The following LRBA variants were observed in gnomAD, a reference collection of about 807,000 sequenced individuals.
The protein encoded by LRBA is LPS responsive beige-like anchor protein.
In LRBA, 176 loss-of-function variants were observed where a neutral mutation model predicts 330.0. The observed-to-expected ratio is 0.53, with a 90% CI of 0.47 to 0.60. LRBA has a LOEUF of 0.60. Ranked by LOEUF, LRBA falls within the 20% of genes least tolerant of loss-of-function variation. LRBA has a pLI of 0.00. For missense variants in LRBA, 3,259 were observed against 3,444.8 expected, an observed-to-expected ratio of 0.95 and a Z score of 1.35; for synonymous variants, 1,230 against 1,193.0, an observed-to-expected ratio of 1.03 and a Z score of -0.64.
chr4:150,579,705 C>G, intron 40 of LRBA: 2 of 456,644 alleles, frequency 4.4e-6, no homozygotes, highest in Non-Finnish European at 4.4e-6. Flanking sequence ...GCGCGAAGGT[C>G]CGCTCGGCCT....
chr4:150,732,416 C>T (rs1201694985), intron 36 of LRBA, among the ~76,000 whole-genome samples: 1 of 151,950 alleles, frequency 6.6e-6, no homozygotes, highest in Non-Finnish European at 1.5e-5. Flanking sequence ...GTTAACAATA[C>T]AAAAGAACAG....
At chr4:150,518,653 C>T (rs187359561) in intron 40 of LRBA, among the ~76,000 whole-genome samples, 2 of 152,078 alleles carry the variant, frequency 1.3e-5, no homozygotes, top group African/African-American at 2.4e-5. Context: ...GAATACAAAC[C>T]CTTTGAATTT....
chr4:150,866,164 A>G (rs1752662642), intron 22 of LRBA, among the ~76,000 whole-genome samples: 1 of 150,892 alleles, frequency 6.6e-6, no homozygotes, highest in South Asian at 2.1e-4. Context: ...AAATAGCTAT[A>G]TAATTATACA....
intron 47 of LRBA, among the ~76,000 whole-genome samples, chr4:150,357,036 A>G (rs1286197637): frequency 6.6e-6 from 1 of 152,006 alleles, no homozygotes; most frequent in Admixed American, 6.6e-5. Flanking sequence ...GACAGTTTTA[A>G]AAAATGAAAT....
intron 47 of LRBA, among the ~76,000 whole-genome samples, chr4:150,365,479 G>A (rs942988630): frequency 6.6e-6 from 1 of 152,086 alleles, no homozygotes; most frequent in African/African-American, 2.4e-5. Context: ...AAACGTCCAT[G>A]ACATTAGCAA....
chr4:150,607,873 A>G (rs1774823433), intron 37 of LRBA, among the ~76,000 whole-genome samples: 1 of 152,056 alleles, frequency 6.6e-6, no homozygotes, highest in East Asian at 1.9e-4. Context: ...CGTCTCTACT[A>G]AAAATACAAA....
chr4:151,011,467 G>A (rs551831507), intron 2 of LRBA, among the ~76,000 whole-genome samples: 4 of 151,876 alleles, frequency 2.6e-5, no homozygotes, highest in Admixed American at 1.3e-4. Context: ...GCCTCATGGC[G>A]CACGCCTGTG....
chr4:150,349,178 TTAG>T (rs1223519096), intron 48 of LRBA, among the ~76,000 whole-genome samples: 3 of 152,194 alleles, frequency 2.0e-5, no homozygotes, highest in African/African-American at 7.2e-5. Context: ...TGATCAGATC[TTAG>T]TAGAACTATA....
rs185648613 is a variant in LRBA at position 150,634,374 on chromosome 4, G to A, written c.5922-35243C>T. On this transcript the variant is annotated intron_variant, in intron 37 of 56. Transcript: ENST00000651943. ...AACATGTCCACTTCTGTTTATTATG[G>A]GAGCTCTGAGGCATAGCATAGTGAC... Among the ~76,000 whole-genome samples the A allele has an allele frequency of 4.2e-3, 639 of 152,160 alleles. 4 individuals carry two copies. Among genetic ancestry groups the A allele is most frequent in the African/African-American group, 0.014 (580 of 41,486 alleles).
intron 55 of LRBA, 62 bp downstream of exon 55, chr4:150,282,388 T>G: frequency 6.9e-7 from 1 of 1,455,856 alleles, no homozygotes; most frequent in Non-Finnish European, 9.5e-7. Context: ...ACCCTCTCCC[T>G]CCCCACTTGA....
rs371675423 is a variant in LRBA at position 150,963,030 on chromosome 4, A to C, written c.217-33965T>G. Among the ~76,000 whole-genome samples, 19 of 140,066 alleles carry C rather than the reference A, an allele frequency of 1.4e-4. 3 individuals carry two copies. The highest frequency in any genetic ancestry group is 4.3e-4 in the African/African-American group (16 of 36,904). The allele number at this position is 140,066 out of a possible 152,430, so 91.9% of individuals were successfully genotyped here. A position where few individuals can be genotyped will look rare whatever the true frequency, so the allele number is the denominator to read the frequency against. ...AAAAAGCTTTTTATTAAAAAAAAAA[A>C]CACCACTAGTCAAGTCAAATCAATC... On this transcript the variant is annotated intron_variant, in intron 2 of 56. Transcript: ENST00000651943.
chr4:150,388,782 G>A (rs1409174292), intron 47 of LRBA, among the ~76,000 whole-genome samples: 3 of 152,126 alleles, frequency 2.0e-5, no homozygotes, highest in Non-Finnish European at 4.4e-5. Context: ...TATCTCAAGA[G>A]TTGCACAGTC....
At position 150,310,122 on chromosome 4, in the gene LRBA, T is replaced by G. The variant is rs114582405; in HGVS notation, c.7849+107A>C. ...GCCCTCTTCTCCCTATTTTGTAAAT[T>G]TTAGGATTTTGTAATTTTTGGAAGG... On this transcript the variant is annotated intron_variant, in intron 52 of 56. Coordinates refer to ENST00000651943, the MANE Select transcript of LRBA (RefSeq NM_001364905.1). 1,298 of 716,950 alleles carry G rather than the reference T, an allele frequency of 1.8e-3. 1 individual carries two copies. Among genetic ancestry groups the G allele is most frequent in the Non-Finnish European group, 2.5e-3 (1,048 of 425,628 alleles). 44.4% of individuals were successfully genotyped at this position (716,950 alleles called of 1,614,324 possible).
intron 2 of LRBA, among the ~76,000 whole-genome samples, chr4:150,945,540 G>A (rs371282865): frequency 6.6e-6 from 1 of 152,150 alleles, no homozygotes; most frequent in South Asian, 2.1e-4. Context: ...TTTCAGCCTA[G>A]GTAGTTGCCA....
At chr4:150,641,278 C>A (rs536149480) in intron 37 of LRBA, among the ~76,000 whole-genome samples, 1 of 152,096 alleles carries the variant, frequency 6.6e-6, no homozygotes, top group Non-Finnish European at 1.5e-5. Flanking sequence ...TATTCCCTAA[C>A]AATTTTTATC....
At chr4:150,895,561 G>A (rs1179208115) in intron 16 of LRBA, among the ~76,000 whole-genome samples, 1 of 152,004 alleles carries the variant, frequency 6.6e-6, no homozygotes, top group Non-Finnish European at 1.5e-5. Context: ...GCAATAGTTT[G>A]CTGAGAATGA....
rs1269188959 is a variant in LRBA, at chr4:150,376,138, G to C, written c.7195-25979C>G. Among the ~76,000 whole-genome samples the C allele has an allele frequency of 2.6e-5, 4 of 152,152 alleles. 1 individual carries two copies. The highest frequency in any genetic ancestry group is 5.9e-5 in the Non-Finnish European group (4 of 68,044). On this transcript the variant is annotated intron_variant, in intron 47 of 56. Coordinates refer to ENST00000651943, the MANE Select transcript of LRBA (RefSeq NM_001364905.1). ...TATCTACAGGGGTGGCTATTGCTGA[G>C]TTCCAGTTGATTTTACTATGAAGTA...
intron 46 of LRBA, among the ~76,000 whole-genome samples, chr4:150,416,734 T>C (rs1219450834): frequency 6.6e-6 from 1 of 151,796 alleles, no homozygotes; most frequent in Admixed American, 6.6e-5. Flanking sequence ...ACAATGTATA[T>C]AATTCTAATT....
rs1729617563 is a variant in LRBA, at chr4:150,892,910, T to C, written c.2165+142A>G. Reference sequence around the variant, plus strand: ...AGATTCATTGAAAAAAAATGCATGATTATAAATGGGTCTTAAATCTTAACT... The same window carrying C: ...AGATTCATTGAAAAAAAATGCATGACTATAAATGGGTCTTAAATCTTAACT... On this transcript the variant is annotated intron_variant, in intron 17 of 56. Transcript: ENST00000651943. The C allele has an allele frequency of 9.4e-6, 5 of 533,174 alleles. No individual in the cohort carries two copies. The South Asian group carries it at 1.8e-4, about 20-fold the overall frequency. 33.0% of individuals were successfully genotyped at this position (533,174 alleles called of 1,614,324 possible).
Sources: gnomAD v4.1 joint callset for allele counts (sites outside exome capture counted in the v4.1 genomes callset) on GRCh38, gnomAD v4.1.1 for gene constraint, MANE v1.5 for transcripts, NCBI Gene and HGNC (gene_info 2026-07-23, HGNC 2026-07-21) for gene names.